The following TMEM178B variants were observed in gnomAD, a reference collection of about 807,000 sequenced individuals.
TMEM178B encodes transmembrane protein 178B.
A neutral mutation model predicts 31.0 loss-of-function variants in TMEM178B; 5 were observed. That is an observed-to-expected ratio of 0.16 (90% CI 0.08 to 0.34). The LOEUF (loss-of-function observed/expected upper bound fraction) is 0.34, where lower values mean the gene tolerates loss of function less well. TMEM178B is among the 10% of genes least tolerant of loss of function. The probability of loss-of-function intolerance (pLI) is 1.00; values close to 1 mark genes in which losing one functional copy is unlikely to be tolerated. For synonymous variants in TMEM178B, 164 were observed against 164.0 expected (o/e 1.00, Z 0.00); for missense variants, 275 against 400.3 (o/e 0.69, Z 2.67).
intron 1 of TMEM178B, among the ~76,000 whole-genome samples, chr7:141,076,467 CCTT>C (rs1794601898): frequency 6.6e-6 from 1 of 152,082 alleles, no homozygotes; most frequent in Admixed American, 6.5e-5. Flanking sequence ...GAGAGGTATC[CCTT>C]CTTGTGTTGG....
intron 3 of TMEM178B, among the ~76,000 whole-genome samples, chr7:141,458,601 GGAGA>G (rs1802007527): frequency 2.0e-5 from 3 of 151,976 alleles, no homozygotes; most frequent in Non-Finnish European, 4.4e-5. Context: ...AGTGGGTGAT[GGAGA>G]TGAAAACAGG....
chr7:141,290,482 C>G (rs1798526484), intron 2 of TMEM178B, among the ~76,000 whole-genome samples: 1 of 151,878 alleles, frequency 6.6e-6, no homozygotes, highest in Non-Finnish European at 1.5e-5. Flanking sequence ...TCCTAATTCT[C>G]CAACCACTGC....
At chr7:141,198,519 C>G (rs1443944452) in intron 1 of TMEM178B, among the ~76,000 whole-genome samples, 14 of 152,226 alleles carry the variant, frequency 9.2e-5, no homozygotes, top group Admixed American at 9.2e-4. Flanking sequence ...CTGCCTCATG[C>G]TGAATCCTTA....
At chr7:141,139,088 TA>T (rs1795724839) in intron 1 of TMEM178B, among the ~76,000 whole-genome samples, 1 of 152,132 alleles carries the variant, frequency 6.6e-6, no homozygotes, top group Admixed American at 6.6e-5. Context: ...CTCAGAGATA[TA>T]AAAAATTATG....
chr7:141,492,588 G>A, the TMEM178B span, among the ~76,000 whole-genome samples: 1 of 152,216 alleles, frequency 6.6e-6, no homozygotes, highest in Admixed American at 6.5e-5. Flanking sequence ...GATATGGACC[G>A]CTAAAGGCGA....
intron 2 of TMEM178B, among the ~76,000 whole-genome samples, chr7:141,245,923 C>T (rs1229382821): frequency 6.6e-6 from 1 of 152,126 alleles, no homozygotes; most frequent in East Asian, 1.9e-4. Context: ...TTTTGGACCT[C>T]ACTCTGGAAC....
At chr7:141,205,338 C>G (rs1796945475) in intron 1 of TMEM178B, among the ~76,000 whole-genome samples, 1 of 152,226 alleles carries the variant, frequency 6.6e-6, no homozygotes, top group Non-Finnish European at 1.5e-5. Context: ...CGTTCCAATC[C>G]TACCTCACCA....
At chr7:141,466,579 TAAG>T (rs752886908) in intron 3 of TMEM178B, among the ~76,000 whole-genome samples, 1 of 152,202 alleles carries the variant, frequency 6.6e-6, no homozygotes, top group African/African-American at 2.4e-5. Flanking sequence ...TGGCTTTTGA[TAAG>T]AAGAAATTTC....
chr7:141,435,696 G>A (rs1393787288), intron 2 of TMEM178B, among the ~76,000 whole-genome samples: 1 of 152,360 alleles, frequency 6.6e-6, no homozygotes, highest in East Asian at 1.9e-4. Flanking sequence ...CTCCTATTGT[G>A]ATCAAACGAT....
chr7:141,274,799 T>G (rs2116386505), intron 2 of TMEM178B, among the ~76,000 whole-genome samples: 1 of 152,278 alleles, frequency 6.6e-6, no homozygotes, highest in South Asian at 2.1e-4. Flanking sequence ...AAGGCACAGC[T>G]GGAGGAGGGC....
intron 2 of TMEM178B, among the ~76,000 whole-genome samples, chr7:141,387,322 A>G (rs982004807): frequency 2.0e-5 from 3 of 152,226 alleles, no homozygotes; most frequent in East Asian, 1.9e-4. Context: ...CAGTAACGCC[A>G]TAATACAGGT....
intron 2 of TMEM178B, among the ~76,000 whole-genome samples, chr7:141,270,807 C>T (rs1798169703): frequency 6.6e-6 from 1 of 152,158 alleles, no homozygotes. Flanking sequence ...AAGAAAATGC[C>T]ACTGCACTTT....
chr7:141,355,899 A>G (rs1258284297), intron 2 of TMEM178B, among the ~76,000 whole-genome samples: 3 of 152,020 alleles, frequency 2.0e-5, no homozygotes, highest in Non-Finnish European at 4.4e-5. Flanking sequence ...CACATTGTCT[A>G]TTGTTTCCAT....
chr7:141,143,752 A>T (rs1352852692), intron 1 of TMEM178B, among the ~76,000 whole-genome samples: 2 of 152,200 alleles, frequency 1.3e-5, no homozygotes, highest in Non-Finnish European at 2.9e-5. Flanking sequence ...AGTCTGCGAA[A>T]AATGACTTTG....
intron 1 of TMEM178B, among the ~76,000 whole-genome samples, chr7:141,110,804 G>C (rs1011776249): frequency 6.6e-6 from 1 of 152,212 alleles, no homozygotes; most frequent in Non-Finnish European, 1.5e-5. Flanking sequence ...ATTAAATGAG[G>C]TTGTAAGGCT....
At chr7:141,282,116 C>G (rs564054406) in intron 2 of TMEM178B, among the ~76,000 whole-genome samples, 2 of 151,880 alleles carry the variant, frequency 1.3e-5, no homozygotes, top group Non-Finnish European at 2.9e-5. Flanking sequence ...AAAAACTGGT[C>G]GAAAGAAGAG....
At chr7:141,416,413 G>C (rs1801097150) in intron 2 of TMEM178B, 1 of 152,658 alleles carries the variant, frequency 6.6e-6, no homozygotes, top group South Asian at 2.1e-4. Context: ...GACACAGGAA[G>C]TATAAAGACT....
At chr7:141,090,258 T>C (rs945772344) in intron 1 of TMEM178B, among the ~76,000 whole-genome samples, 22 of 152,146 alleles carry the variant, frequency 1.4e-4, no homozygotes, top group African/African-American at 5.3e-4. Flanking sequence ...CAATCATAGC[T>C]CACTGCAGCT....
intron 1 of TMEM178B, among the ~76,000 whole-genome samples, chr7:141,141,707 G>A (rs1037751602): frequency 2.0e-5 from 3 of 152,136 alleles, no homozygotes; most frequent in Non-Finnish European, 4.4e-5. Context: ...GACAGAGCTT[G>A]CAATGTTCAT....
Sources: allele counts gnomAD v4.1 joint callset (sites outside exome capture counted in the v4.1 genomes callset), GRCh38; gene constraint gnomAD v4.1.1; transcripts MANE v1.5; gene names NCBI Gene and HGNC (gene_info 2026-07-23, HGNC 2026-07-21).